Variants in SLCO5A1 observed in about 807,000 individuals in gnomAD.
SLCO5A1 encodes organic anion transporter polypeptide-related protein 4.
SLCO5A1 carries 39 observed loss-of-function variants against 65.1 expected under a neutral mutation model. The ratio of observed to expected loss-of-function variants is 0.60; its 90% CI spans 0.46 to 0.78. SLCO5A1 has a LOEUF of 0.78. SLCO5A1 is among the 30% of genes least tolerant of loss of function. The probability of loss-of-function intolerance (pLI) is 0.00; values close to 1 mark genes in which losing one functional copy is unlikely to be tolerated. For synonymous variants in SLCO5A1, 438 were observed against 415.7 expected (o/e 1.05, Z -0.65); for missense variants, 1,029 against 1,069.4 (o/e 0.96, Z 0.53).
intron 2 of SLCO5A1, among the ~76,000 whole-genome samples, chr8:69,793,771 C>CT (rs1183831488): frequency 1.4e-5 from 2 of 142,522 alleles, no homozygotes; most frequent in East Asian, 4.2e-4. Context: ...GAGTGAGACT[C>CT]TGTCTCTAAA....
intron 2 of SLCO5A1, among the ~76,000 whole-genome samples, chr8:69,823,376 C>A (rs181624254): frequency 6.6e-6 from 1 of 152,114 alleles, no homozygotes; most frequent in African/African-American, 2.4e-5. Flanking sequence ...TCAGGAGACC[C>A]ATCTCACGTG....
At chr8:69,745,412 T>C (rs768374580) in intron 4 of SLCO5A1, among the ~76,000 whole-genome samples, 2 of 152,186 alleles carry the variant, frequency 1.3e-5, no homozygotes, top group Non-Finnish European at 2.9e-5. Context: ...TCCTTTTACA[T>C]CTTTTTTTAA....
intron 2 of SLCO5A1, among the ~76,000 whole-genome samples, chr8:69,827,844 C>T (rs1473074761): frequency 6.6e-6 from 1 of 152,128 alleles, no homozygotes; most frequent in East Asian, 1.9e-4. Context: ...CTACTTTAAA[C>T]GGTTTAGAGA....
chr8:69,702,491 G>T (rs1312020755), intron 6 of SLCO5A1, among the ~76,000 whole-genome samples: 1 of 146,208 alleles, frequency 6.8e-6, no homozygotes, highest in East Asian at 1.9e-4. Context: ...CCACATACCC[G>T]GTACACACAT....
At chr8:69,776,526 C>T (rs952389252) in intron 2 of SLCO5A1, among the ~76,000 whole-genome samples, 4 of 151,956 alleles carry the variant, frequency 2.6e-5, no homozygotes, top group Admixed American at 6.6e-5. Context: ...CCCATCTCTA[C>T]AAAAAATACA....
At chr8:69,766,039 T>A (rs930527249) in intron 2 of SLCO5A1, among the ~76,000 whole-genome samples, 1 of 152,196 alleles carries the variant, frequency 6.6e-6, no homozygotes, top group Admixed American at 6.5e-5. Flanking sequence ...TAGGTACTAT[T>A]AGTCTCTCTC....
chr8:69,816,265 C>G (rs1430513410), intron 2 of SLCO5A1, among the ~76,000 whole-genome samples: 1 of 152,118 alleles, frequency 6.6e-6, no homozygotes, highest in Non-Finnish European at 1.5e-5. Context: ...AGACCCTCTC[C>G]AAGTTGTGAC....
intron 2 of SLCO5A1, among the ~76,000 whole-genome samples, chr8:69,795,605 G>T (rs545916495): frequency 6.6e-6 from 1 of 152,340 alleles, no homozygotes; most frequent in South Asian, 2.1e-4. Context: ...TCATGGTATG[G>T]CATTGAGTGG....
chr8:69,709,672 A>G (rs1187267673), intron 5 of SLCO5A1, among the ~76,000 whole-genome samples: 1 of 152,134 alleles, frequency 6.6e-6, no homozygotes, highest in African/African-American at 2.4e-5. Flanking sequence ...TTCATTTTTT[A>G]TACCTTTGAT....
chr8:69,696,479 T>A (rs1814503978), intron 6 of SLCO5A1, among the ~76,000 whole-genome samples: 2 of 152,336 alleles, frequency 1.3e-5, no homozygotes, highest in African/African-American at 4.8e-5. Flanking sequence ...GAAGACAAAT[T>A]GTATCAGTGA....
intron 6 of SLCO5A1, among the ~76,000 whole-genome samples, chr8:69,697,569 C>A (rs1367393833): frequency 2.6e-5 from 4 of 152,014 alleles, no homozygotes; most frequent in African/African-American, 9.7e-5. Flanking sequence ...GGACAGCGGG[C>A]TCCCCTAGAT....
intron 5 of SLCO5A1, among the ~76,000 whole-genome samples, chr8:69,725,743 T>C (rs1816038368): frequency 6.6e-6 from 1 of 152,170 alleles, no homozygotes; most frequent in Non-Finnish European, 1.5e-5. Flanking sequence ...CTTCATCAAA[T>C]CTATTGGGCA....
In SLCO5A1 at chr8:69,716,359, C is replaced by T. The variant is rs184669243; in HGVS notation, c.1424-11130G>A. Among the ~76,000 whole-genome samples, 3 of 152,300 alleles carry T rather than the reference C, an allele frequency of 2.0e-5. No individual in the cohort carries two copies. The East Asian group carries it at 5.8e-4, about 29-fold the overall frequency. On this transcript the variant is annotated intron_variant, in intron 5 of 9. Transcript: ENST00000260126. ...GGATACATGCCTAGAAATGGAATTA[C>T]TGGATCATATGTTAACTCTGTGTTT... is the stretch of plus-strand genomic sequence containing the variant.
intron 3 of SLCO5A1, among the ~76,000 whole-genome samples, chr8:69,757,136 A>G (rs1817572030): frequency 6.6e-6 from 1 of 152,198 alleles, no homozygotes; most frequent in South Asian, 2.1e-4. Context: ...TGATTCCTAC[A>G]ATTAGTCATT....
chr8:69,698,549 C>T (rs1814593277), intron 6 of SLCO5A1, among the ~76,000 whole-genome samples: 1 of 152,224 alleles, frequency 6.6e-6, no homozygotes, highest in African/African-American at 2.4e-5. Context: ...AATAGCCATT[C>T]TGACTGATGT....
chr8:69,789,578 G>A (rs935558937), intron 2 of SLCO5A1, among the ~76,000 whole-genome samples: 4 of 152,292 alleles, frequency 2.6e-5, no homozygotes, highest in African/African-American at 9.6e-5. Context: ...CAAAACAGCA[G>A]ATGTGTATGA....
intron 8 of SLCO5A1, among the ~76,000 whole-genome samples, chr8:69,678,850 A>G (rs1813650603): frequency 6.6e-6 from 1 of 151,418 alleles, no homozygotes; most frequent in Non-Finnish European, 1.5e-5. Flanking sequence ...CCTTTTCTTG[A>G]CTCAACTCTG....
chr8:69,731,035 T>G (rs1405959763), intron 5 of SLCO5A1, among the ~76,000 whole-genome samples: 1 of 151,988 alleles, frequency 6.6e-6, no homozygotes, highest in Non-Finnish European at 1.5e-5. Flanking sequence ...TCTGGCTCTA[T>G]TGCCCAGGCT....
intron 6 of SLCO5A1, among the ~76,000 whole-genome samples, chr8:69,701,782 C>T (rs1438746539): frequency 6.6e-6 from 1 of 152,192 alleles, no homozygotes. Flanking sequence ...GTTCTCAGGA[C>T]CTCCTGAGGG....
Sources: gnomAD v4.1 joint callset for allele counts (sites outside exome capture counted in the v4.1 genomes callset) on GRCh38, gnomAD v4.1.1 for gene constraint, MANE v1.5 for transcripts, NCBI Gene and HGNC (gene_info 2026-07-23, HGNC 2026-07-21) for gene names.